The following NAV1 variants were observed in gnomAD, a reference collection of about 807,000 sequenced individuals.
The protein encoded by NAV1 is neuron navigator 1, also known as pore membrane and/or filament interacting like protein 3.
A neutral mutation model predicts 175.2 loss-of-function variants in NAV1; 18 were observed. The observed-to-expected ratio is 0.10, with a 90% confidence interval of 0.07 to 0.15. NAV1 has a LOEUF of 0.15. Ranked by LOEUF, NAV1 falls within the 10% of genes least tolerant of loss-of-function variation. The probability of loss-of-function intolerance (pLI) is 1.00; values close to 1 mark genes in which losing one functional copy is unlikely to be tolerated. For missense variants in NAV1, 1,731 were observed against 2,436.6 expected (o/e 0.71, Z 6.10); for synonymous variants, 897 against 978.7 (o/e 0.92, Z 1.56).
intron 3 of NAV1, among the ~76,000 whole-genome samples, chr1:201,778,091 T>C (rs146313110): frequency 8.5e-4 from 129 of 152,322 alleles, no homozygotes; most frequent in African/African-American, 3.0e-3. Context: ...ATTTATATCC[T>C]CTAGCCAACC....
At chr1:201,719,657 G>A (rs1474853309) in intron 3 of NAV1, 2 of 154,066 alleles carry the variant, frequency 1.3e-5, no homozygotes, top group Non-Finnish European at 2.9e-5. Flanking sequence ...GAGAGAGGCA[G>A]TGGTTCTGGA....
At chr1:201,715,636 T>C (rs765099903) in intron 2 of NAV1, among the ~76,000 whole-genome samples, 1 of 152,218 alleles carries the variant, frequency 6.6e-6, no homozygotes, top group South Asian at 2.1e-4. Flanking sequence ...TCAGAACCCA[T>C]GCCAGCTGTG....
chr1:201,809,768 G>A (rs925263516), intron 22 of NAV1, among the ~76,000 whole-genome samples, 178 bp from the exon 27 acceptor site: 1 of 152,080 alleles, frequency 6.6e-6, no homozygotes, highest in South Asian at 2.1e-4. Flanking sequence ...ATATTAAACC[G>A]TCCAGGCACT....
intron 1 of NAV1, among the ~76,000 whole-genome samples, chr1:201,588,319 G>A (rs771404719): frequency 1.3e-5 from 2 of 152,042 alleles, no homozygotes; most frequent in Admixed American, 1.3e-4. Flanking sequence ...AAAAGCCCAC[G>A]TATTGTATGA....
chr1:201,583,003 G>C (rs994557471), intron 1 of NAV1, among the ~76,000 whole-genome samples: 6 of 152,258 alleles, frequency 3.9e-5, no homozygotes, highest in Non-Finnish European at 7.3e-5. Flanking sequence ...GGAGGCTACT[G>C]TGTATACGGG....
chr1:201,748,465 C>G (rs1338903037), intron 3 of NAV1, among the ~76,000 whole-genome samples: 3 of 151,626 alleles, frequency 2.0e-5, no homozygotes, highest in Non-Finnish European at 4.4e-5. Flanking sequence ...AGGGAACCTA[C>G]CAGCCTCCAC....
At chr1:201,551,480 C>T (rs752962267) in intron 1 of NAV1, among the ~76,000 whole-genome samples, 1 of 152,162 alleles carries the variant, frequency 6.6e-6, no homozygotes, top group African/African-American at 2.4e-5. Context: ...CTTCCCATCT[C>T]GGCCTCCCAA....
chr1:201,660,732 C>A (rs931042869), intron 1 of NAV1, among the ~76,000 whole-genome samples: 1 of 152,200 alleles, frequency 6.6e-6, no homozygotes, highest in African/African-American at 2.4e-5. Flanking sequence ...TTGCGTAAAC[C>A]CATTTTATCC....
chr1:201,568,360 G>A (rs1191406993), intron 1 of NAV1, among the ~76,000 whole-genome samples: 1 of 152,184 alleles, frequency 6.6e-6, no homozygotes, highest in African/African-American at 2.4e-5. Flanking sequence ...AAGCCTATTT[G>A]TTAATGGAGT....
At chr1:201,620,714 C>T (rs903579813), upstream of NAV1, among the ~76,000 whole-genome samples, 3 of 152,120 alleles carry the variant, frequency 2.0e-5, no homozygotes, top group Non-Finnish European at 4.4e-5. Context: ...GTTGATCCGC[C>T]TGCCTCAGTC....
intron 2 of NAV1, among the ~76,000 whole-genome samples, chr1:201,616,819 C>T (rs181910295): frequency 6.6e-6 from 1 of 152,162 alleles, no homozygotes; most frequent in Non-Finnish European, 1.5e-5. Flanking sequence ...GCACTGCCTG[C>T]ACATGTTACT....
intron 3 of NAV1, among the ~76,000 whole-genome samples, chr1:201,744,300 CTATG>C (rs145244423): frequency 0.04 from 6,021 of 150,696 alleles, 154 homozygotes; most frequent in East Asian, 0.094. Context: ...GAGCTGACGG[CTATG>C]TATGTATGTA....
chr1:201,564,594 G>T (rs894170154), intron 1 of NAV1, among the ~76,000 whole-genome samples: 4 of 152,260 alleles, frequency 2.6e-5, no homozygotes, highest in African/African-American at 9.6e-5. Flanking sequence ...CTGTACTCCA[G>T]CATGGGCAAC....
chr1:201,594,827 C>T (rs987665728), intron 2 of NAV1, among the ~76,000 whole-genome samples: 6 of 152,212 alleles, frequency 3.9e-5, no homozygotes, highest in African/African-American at 7.2e-5. Context: ...AGCACGGGAA[C>T]CTGCTGAAGC....
chr1:201,621,737 A>C (rs1478371786), upstream of NAV1, among the ~76,000 whole-genome samples: 1 of 152,184 alleles, frequency 6.6e-6, no homozygotes, highest in Non-Finnish European at 1.5e-5. Flanking sequence ...TCAGTGTTTT[A>C]GTTTATGATT....
At chr1:201,642,561 C>CCTTCCTTCCTTCCT (rs1668824120) in intron 2 of NAV1, among the ~76,000 whole-genome samples, 3 of 92,560 alleles carry the variant, frequency 3.2e-5, no homozygotes, top group African/African-American at 5.9e-5. Context: ...TTCTTTTTTC[C>CCTTCCTTCCTTCCT]CTTTCTTCCC....
chr1:201,688,874 A>T (rs1003840956), intron 1 of NAV1, among the ~76,000 whole-genome samples: 4 of 152,164 alleles, frequency 2.6e-5, no homozygotes, highest in African/African-American at 9.7e-5. Context: ...ATTGAAAAGG[A>T]GGTTGGTTAG....
intron 1 of NAV1, among the ~76,000 whole-genome samples, chr1:201,652,940 A>G (rs940101407): frequency 1.3e-5 from 2 of 152,198 alleles, no homozygotes; most frequent in Non-Finnish European, 2.9e-5. Context: ...ACGTGCTCAG[A>G]ACACTTATAT....
chr1:201,775,309 G>A (rs901341761), intron 3 of NAV1, among the ~76,000 whole-genome samples: 1 of 152,222 alleles, frequency 6.6e-6, no homozygotes, highest in African/African-American at 2.4e-5. Flanking sequence ...AATGTTGAAA[G>A]CTCCAGGCTC....
Sources: allele counts gnomAD v4.1 joint callset (sites outside exome capture counted in the v4.1 genomes callset), GRCh38; gene constraint gnomAD v4.1.1; transcripts MANE v1.5; gene names NCBI Gene and HGNC (gene_info 2026-07-23, HGNC 2026-07-21).